SYNE1: variants seen among roughly 807,000 people sequenced by gnomAD.
SYNE1 encodes nesprin-1.
In SYNE1, 616 loss-of-function variants were observed where a neutral mutation model predicts 1,111.0. That is an observed-to-expected ratio of 0.55 (90% CI 0.52 to 0.59). The LOEUF (loss-of-function observed/expected upper bound fraction) is 0.59, where lower values mean the gene tolerates loss of function less well. Among genes scored for constraint, SYNE1 ranks in the 20% least tolerant of loss-of-function variants. The pLI is 0.00. For missense variants in SYNE1, 10,006 were observed against 10,417.0 expected (o/e 0.96, Z 1.72); for synonymous variants, 3,855 against 3,825.8 (o/e 1.01, Z -0.28).
intron 115 of SYNE1, 22 bp from the exon 116 acceptor site, chr6:152,225,898 C>T: frequency 6.2e-7 from 1 of 1,607,920 alleles, no homozygotes; most frequent in Admixed American, 1.7e-5. Context: ...AAAAAATAGT[C>T]ACTTTAAATT....
chr6:152,189,272 A>T lies in SYNE1; in HGVS notation c.23281T>A (p.Trp7761Arg). The T allele has an allele frequency of 6.2e-7, 1 of 1,613,822 alleles. No homozygotes were observed. The highest frequency in any genetic ancestry group is 8.5e-7 in the Non-Finnish European group (1 of 1,179,956). Reference sequence around the variant, plus strand: ...CTTACCTGGTGGCATAGTTCTTCCCACTGCCTTTGCAGAAGCTCTACGCGT... The same window carrying T: ...CTTACCTGGTGGCATAGTTCTTCCCTCTGCCTTTGCAGAAGCTCTACGCGT... ...NERVELLQRQ[W>R]EELCHQLSLR... is the part of the protein sequence containing the mutation. The change falls in exon 128 of 146, where the codon TGG becomes AGG. Residue 7761 changes from tryptophan (W) to arginine (R), a missense_variant. Coordinates refer to ENST00000367255, the MANE Select transcript of SYNE1 (RefSeq NM_182961.4).
chr6:152,187,915 AG>A (rs1332824390), intron 128 of SYNE1, among the ~76,000 whole-genome samples: 1 of 151,970 alleles, frequency 6.6e-6, no homozygotes, highest in Non-Finnish European at 1.5e-5. Flanking sequence ...TAGTAGAGAC[AG>A]GGTTTCACCA....
At chr6:152,231,657 A>G in intron 113 of SYNE1, 90 bp from the exon 114 acceptor site, 2 of 1,340,300 alleles carry the variant, frequency 1.5e-6, no homozygotes, top group South Asian at 2.5e-5. Flanking sequence ...CTTAATATTA[A>G]TATTATCACT....
At chr6:152,410,604 G>A (rs985730235) in intron 42 of SYNE1, among the ~76,000 whole-genome samples, 4 of 152,098 alleles carry the variant, frequency 2.6e-5, no homozygotes, top group East Asian at 3.8e-4. Flanking sequence ...GCTTGGTGGC[G>A]CATGCCTGTA....
intron 131 of SYNE1, among the ~76,000 whole-genome samples, chr6:152,158,902 A>G (rs1420277637): frequency 6.6e-6 from 1 of 152,190 alleles, no homozygotes; most frequent in Non-Finnish European, 1.5e-5. Flanking sequence ...ATTTGAGGGG[A>G]TTTATAATCA....
intron 95 of SYNE1, among the ~76,000 whole-genome samples, chr6:152,288,483 G>A (rs1177139639): frequency 9.9e-5 from 15 of 152,210 alleles, no homozygotes; most frequent in Admixed American, 7.9e-4. Context: ...TTCTTAAATA[G>A]CTCTCTGAAT....
chr6:152,495,270 C>G (rs1290586016), intron 11 of SYNE1, among the ~76,000 whole-genome samples: 1 of 152,186 alleles, frequency 6.6e-6, no homozygotes, highest in Non-Finnish European at 1.5e-5. Flanking sequence ...TCTGTGCAGA[C>G]ACTTTCACTG....
chr6:152,319,956 T>G (rs2095832815), intron 84 of SYNE1: 1 of 152,366 alleles, frequency 6.6e-6, no homozygotes, highest in East Asian at 1.9e-4. Flanking sequence ...GCCAGGAGTT[T>G]GAGACCAGGC....
chr6:152,634,313 T>C (rs2099702611), intron 2 of SYNE1, among the ~76,000 whole-genome samples: 1 of 152,220 alleles, frequency 6.6e-6, no homozygotes. Flanking sequence ...GAAGTACAGA[T>C]ATTAATTAAA....
At chr6:152,284,561 C>A (rs541584065) in intron 95 of SYNE1, among the ~76,000 whole-genome samples, 1 of 149,866 alleles carries the variant, frequency 6.7e-6, no homozygotes, top group Non-Finnish European at 1.5e-5. Flanking sequence ...TGGGCTCAAG[C>A]GGCCCTCCTG....
In SYNE1 at chr6:152,122,230, C is replaced by G; in HGVS notation, c.*206G>C. The G allele has an allele frequency of 1.3e-6, 1 of 756,866 alleles. No individual in the cohort carries two copies. The highest frequency in any genetic ancestry group is 1.7e-5 in the African/African-American group (1 of 57,346). 46.9% of individuals were successfully genotyped at this position (756,866 alleles called of 1,614,324 possible). A position where few individuals can be genotyped will look rare whatever the true frequency, so the allele number is the denominator to read the frequency against. On this transcript the variant is annotated 3_prime_UTR_variant, in exon 146 of 146. Coordinates refer to ENST00000367255, the MANE Select transcript of SYNE1 (RefSeq NM_182961.4). The stretch of plus-strand genomic sequence containing the variant: ...GTCTCAAACCAGATTTCTTCCAAAC[C>G]TTCTTGTTGTCTGTTTGTTCCCCCG...
intron 98 of SYNE1, chr6:152,277,781 C>G (rs2093752916): frequency 2.2e-6 from 1 of 447,242 alleles, no homozygotes; most frequent in Non-Finnish European, 4.2e-6. Context: ...CAGCAACACT[C>G]CTGGAGTAGC....
chr6:152,219,984 T>C (rs1440629777), intron 119 of SYNE1, among the ~76,000 whole-genome samples: 2 of 152,224 alleles, frequency 1.3e-5, no homozygotes, highest in African/African-American at 4.8e-5. Context: ...AAAGGGCTCT[T>C]TACGCTTGAC....
rs192276151 is a variant in SYNE1, at chr6:152,363,646, C to T, written c.10145+1201G>A. ...TAAGTGCTCCATCCATCCACACCCC[C>T]GGATCACACCACTGCAGCACAGTCC... On this transcript the variant is annotated intron_variant, in intron 63 of 145. Coordinates refer to ENST00000367255, the MANE Select transcript of SYNE1 (RefSeq NM_182961.4). The T allele has an allele frequency of 1.8e-3, 757 of 425,554 alleles. 3 individuals carry two copies. Among genetic ancestry groups the T allele is most frequent in the African/African-American group, 0.011 (560 of 48,980 alleles). 26.4% of individuals were successfully genotyped at this position (425,554 alleles called of 1,614,324 possible).
chr6:152,347,646 AAG>A (rs145062626), intron 72 of SYNE1, among the ~76,000 whole-genome samples: 3,955 of 151,692 alleles, frequency 0.026, 182 homozygotes, highest in African/African-American at 0.09. Flanking sequence ...TTATTTCTAT[AAG>A]GTTGGTGCAA....
intron 10 of SYNE1, among the ~76,000 whole-genome samples, 200 bp from the exon 11 acceptor site, chr6:152,498,992 T>C (rs956255253): frequency 6.6e-6 from 1 of 152,156 alleles, no homozygotes; most frequent in African/African-American, 2.4e-5. Flanking sequence ...CAACATCATT[T>C]CCTAGAATAT....
intron 93 of SYNE1, among the ~76,000 whole-genome samples, chr6:152,294,564 C>A (rs903019054): frequency 1.3e-5 from 2 of 152,004 alleles, no homozygotes; most frequent in Non-Finnish European, 2.9e-5. Flanking sequence ...AAAATTAAAT[C>A]TACAGATGCA....
intron 17 of SYNE1, 49 bp from the exon 18 acceptor site, chr6:152,465,509 T>C (rs2098759035): frequency 1.3e-6 from 2 of 1,539,328 alleles, no homozygotes; most frequent in African/African-American, 1.4e-5. Flanking sequence ...TTTTAAATCC[T>C]CTACACCTTT....
At chr6:152,290,697 A>G (rs1001331371) in intron 95 of SYNE1, among the ~76,000 whole-genome samples, 1 of 152,236 alleles carries the variant, frequency 6.6e-6, no homozygotes, top group African/African-American at 2.4e-5. Flanking sequence ...GAATACTTCC[A>G]AGAGAGTGTT....
Sources: allele counts gnomAD v4.1 joint callset (sites outside exome capture counted in the v4.1 genomes callset), GRCh38; gene constraint gnomAD v4.1.1; transcripts MANE v1.5; gene names NCBI Gene and HGNC (gene_info 2026-07-23, HGNC 2026-07-21).